The following CDH2 variants were observed in gnomAD, a reference collection of about 807,000 sequenced individuals.
CDH2 encodes cadherin-2.
A neutral mutation model predicts 92.0 loss-of-function variants in CDH2; 17 were observed. The ratio of observed to expected loss-of-function variants is 0.18; its 90% CI spans 0.13 to 0.28. CDH2 has a LOEUF of 0.28. CDH2 is among the 10% of genes least tolerant of loss of function. The pLI is 1.00. For missense variants in CDH2, 862 were observed against 1,133.1 expected (o/e 0.76, Z 3.44); for synonymous variants, 419 against 415.9 (o/e 1.01, Z -0.09).
intron 5 of CDH2, among the ~76,000 whole-genome samples, chr18:28,007,193 T>TATATATATATATATATATATAC (rs778626652): frequency 1.3e-4 from 19 of 142,154 alleles, no homozygotes; most frequent in African/African-American, 4.8e-4. Flanking sequence ...TATATATATA[T>TATATATATATATATATATATAC]ACGAGTATAT....
At chr18:27,990,384 G>T (rs748181273) in intron 9 of CDH2, 34 bp from the exon 10 acceptor site, 2 of 1,585,716 alleles carry the variant, frequency 1.3e-6, no homozygotes, top group Non-Finnish European at 1.7e-6. Context: ...ATTTTTGCAG[G>T]AAATAAGAAT....
chr18:28,095,822 A>AAAAAAAAG (rs1555641273), intron 2 of CDH2, among the ~76,000 whole-genome samples: 2 of 147,070 alleles, frequency 1.4e-5, no homozygotes, highest in African/African-American at 5.0e-5. Flanking sequence ...AAAAAAAAAA[A>AAAAAAAAG]AAAGAAAGAA....
rs566865083 is a variant in CDH2, at chr18:27,968,871, C to T, written c.2350-5350G>A. ...ATCTGGAAAAAAGCTGACTGCGGCA[C>T]AGGCAAGAAACTTCAGACACAAAAA... On this transcript the variant is annotated intron_variant, in intron 14 of 15. Coordinates refer to ENST00000269141, the MANE Select transcript of CDH2 (RefSeq NM_001792.5). 6.6e-5 allele frequency among the ~76,000 whole-genome samples: 10 copies of T among 152,272 alleles called. No individual in the cohort carries two copies. The South Asian group carries it at 1.7e-3, about 25-fold the overall frequency.
At chr18:28,085,203 T>TA (rs35931566) in intron 2 of CDH2, among the ~76,000 whole-genome samples, 1 of 152,020 alleles carries the variant, frequency 6.6e-6, no homozygotes, top group Non-Finnish European at 1.5e-5. Context: ...GCCATAAACT[T>TA]AAAAAATGGG....
chr18:28,118,345 T>A (rs1182283489), intron 2 of CDH2, among the ~76,000 whole-genome samples: 1 of 152,172 alleles, frequency 6.6e-6, no homozygotes, highest in Non-Finnish European at 1.5e-5. Flanking sequence ...AAGTGCTCCA[T>A]CTTCTATTAT....
intron 14 of CDH2, among the ~76,000 whole-genome samples, chr18:27,979,719 GT>G (rs908126719): frequency 2.6e-5 from 4 of 151,962 alleles, no homozygotes; most frequent in African/African-American, 4.8e-5. Context: ...AGTGCCGACT[GT>G]TTGATATCCA....
intron 14 of CDH2, among the ~76,000 whole-genome samples, chr18:27,977,963 GA>G (rs1223965357): frequency 1.3e-5 from 2 of 152,178 alleles, no homozygotes; most frequent in African/African-American, 4.8e-5. Context: ...TGTAGAAAGA[GA>G]GTATCTTCAT....
At position 28,149,721 on chromosome 18, in the gene CDH2, A is replaced by C. The variant is rs554664782; in HGVS notation, c.61-1937T>G. The stretch of plus-strand genomic sequence containing the variant: ...TTACCCCAGGGGAAGGAAAACTAGG[A>C]AAGGCATCAGGAAAGATTGTACAAG... On this transcript the variant is annotated intron_variant, in intron 1 of 15. Coordinates refer to ENST00000269141, the MANE Select transcript of CDH2 (RefSeq NM_001792.5). Among the ~76,000 whole-genome samples, 9 of 152,332 alleles carry C rather than the reference A, an allele frequency of 5.9e-5. No individual in the cohort carries two copies. In the South Asian group the frequency reaches 1.4e-3, roughly 25 times the overall value.
intron 1 of CDH2, among the ~76,000 whole-genome samples, chr18:28,156,730 CATGTCACCTTCCCAGGTAT>C (rs1568020649): frequency 7.0e-4 from 68 of 96,730 alleles, no homozygotes; most frequent in African/African-American, 1.0e-3. Flanking sequence ...CCAGGTATAG[CATGTCACCTTCCCAGGTAT>C]AGCATGTCAC....
intron 2 of CDH2, among the ~76,000 whole-genome samples, chr18:28,137,932 C>A (rs1199569575): frequency 6.6e-6 from 1 of 151,884 alleles, no homozygotes; most frequent in South Asian, 2.1e-4. Flanking sequence ...AAATCACAGG[C>A]CAAGAATTAA....
chr18:28,125,751 G>A (rs1301334213), intron 2 of CDH2, among the ~76,000 whole-genome samples: 2 of 152,028 alleles, frequency 1.3e-5, no homozygotes, highest in African/African-American at 4.8e-5. Context: ...AAGACAGTCA[G>A]CATTAGTACC....
At chr18:28,006,018 T>C (rs1161008542) in intron 5 of CDH2, 25 bp from the exon 6 acceptor site, 2 of 1,577,906 alleles carry the variant, frequency 1.3e-6, no homozygotes, top group Admixed American at 1.7e-5. Flanking sequence ...AGAAAACAAC[T>C]ATTTAACAGA....
chr18:28,098,018 G>A (rs2015165511), intron 2 of CDH2, among the ~76,000 whole-genome samples: 1 of 152,066 alleles, frequency 6.6e-6, no homozygotes, highest in African/African-American at 2.4e-5. Context: ...AAATTTCATT[G>A]CAGAAAATTT....
At chr18:27,947,818 A>G (rs17462616), downstream of CDH2, among the ~76,000 whole-genome samples, 33 of 42,244 alleles carry the variant, frequency 7.8e-4, 1 homozygote, top group Middle Eastern at 0.011. Flanking sequence ...TATATGTGAT[A>G]TAAGTGTATG....
intron 2 of CDH2, among the ~76,000 whole-genome samples, chr18:28,018,347 C>CATTATTGA (rs2013312607): frequency 6.6e-6 from 1 of 152,016 alleles, no homozygotes; most frequent in African/African-American, 2.4e-5. Context: ...ATGCAATTCC[C>CATTATTGA]ATCAAAATGC....
rs79523391 is a variant in CDH2 at position 28,115,003 on chromosome 18, C to T, written c.172+32670G>A. On this transcript the variant is annotated intron_variant, in intron 2 of 15. Coordinates refer to ENST00000269141, the MANE Select transcript of CDH2 (RefSeq NM_001792.5). ...TTCTCAACCGTTTTCTTGCCCAGTC[C>T]AGCTAAGTGTAACAGGGGTTCCTAA... 4.0e-3 allele frequency among the ~76,000 whole-genome samples: 606 copies of T among 152,218 alleles called. 4 individuals are homozygous for T. Among genetic ancestry groups the T allele is most frequent in the African/African-American group, 0.012 (487 of 41,538 alleles).
At chr18:28,097,762 G>C (rs984237838) in intron 2 of CDH2, among the ~76,000 whole-genome samples, 1 of 151,934 alleles carries the variant, frequency 6.6e-6, no homozygotes, top group African/African-American at 2.4e-5. Flanking sequence ...GAATACCGAG[G>C]GACATCTGTA....
intron 2 of CDH2, among the ~76,000 whole-genome samples, chr18:28,022,295 G>A (rs2013433051): frequency 6.6e-6 from 1 of 151,870 alleles, no homozygotes; most frequent in South Asian, 2.1e-4. Flanking sequence ...TGTCTATACA[G>A]AGCTTGGTGA....
intron 2 of CDH2, among the ~76,000 whole-genome samples, chr18:28,144,604 C>T (rs553473741): frequency 1.3e-5 from 2 of 151,980 alleles, no homozygotes; most frequent in Non-Finnish European, 2.9e-5. Flanking sequence ...AAAGAATCTC[C>T]ATAGCAGCAC....
Sources: gnomAD v4.1 joint callset for allele counts (sites outside exome capture counted in the v4.1 genomes callset) on GRCh38, gnomAD v4.1.1 for gene constraint, MANE v1.5 for transcripts, NCBI Gene and HGNC (gene_info 2026-07-23, HGNC 2026-07-21) for gene names.